CBX5: variants seen among roughly 807,000 people sequenced by gnomAD.
CBX5 encodes chromobox 5.
A neutral mutation model predicts 20.7 loss-of-function variants in CBX5; 7 were observed. That is an observed-to-expected ratio of 0.34 (90% CI 0.19 to 0.63). The LOEUF (loss-of-function observed/expected upper bound fraction) is 0.63, where lower values mean the gene tolerates loss of function less well. Among genes scored for constraint, CBX5 ranks in the 30% least tolerant of loss-of-function variants. CBX5 has a pLI of 0.75. For synonymous variants in CBX5, 78 were observed against 77.0 expected (o/e 1.01, Z -0.07); for missense variants, 110 against 224.1 (o/e 0.49, Z 3.25).
rs1322396066 is a variant in CBX5, at chr12:54,235,786, A to T, written c.*5969T>A. On this transcript the variant is annotated 3_prime_UTR_variant, in exon 5 of 5. Coordinates refer to ENST00000209875, the MANE Select transcript of CBX5 (RefSeq NM_012117.3). ...GTTAAGTCTCATGTTCATTCCTCCA[A>T]AAGGGATGAGAAATTGAAAAAGGTG... The T allele has an allele frequency of 6.6e-6, 1 of 152,188 alleles. No homozygotes were observed. The highest frequency in any genetic ancestry group is 1.5e-5 in the Non-Finnish European group (1 of 68,024). 9.4% of individuals were successfully genotyped at this position (152,188 alleles called of 1,614,324 possible).
In CBX5 at chr12:54,251,932, T is replaced by G. The variant is rs563986879; in HGVS notation, c.324+109A>C. 9 of 931,632 alleles carry G rather than the reference T, an allele frequency of 9.7e-6. No homozygotes were observed. In the South Asian group the frequency reaches 2.0e-4, roughly 20 times the overall value. The allele number at this position is 931,632 out of a possible 1,614,324, so 57.7% of individuals were successfully genotyped here. A position where few individuals can be genotyped will look rare whatever the true frequency, so the allele number is the denominator to read the frequency against. On this transcript the variant is annotated intron_variant, in intron 3 of 4. Transcript: ENST00000209875. ...AGCTCTTTTGTTCAACAATTTACCT[T>G]ATAGGTCCATCCTTACAATAGAAAT...
At position 54,232,430 on chromosome 12, in the gene CBX5, C is replaced by T. The variant is rs1287265966; in HGVS notation, c.*9325G>A. The T allele has an allele frequency of 6.6e-6, 1 of 152,168 alleles. No homozygotes were observed. The highest frequency in any genetic ancestry group is 1.5e-5 in the Non-Finnish European group (1 of 68,046). The allele number at this position is 152,168 out of a possible 1,614,324, so 9.4% of individuals were successfully genotyped here. On this transcript the variant is annotated 3_prime_UTR_variant, in exon 5 of 5. Coordinates refer to ENST00000209875, the MANE Select transcript of CBX5 (RefSeq NM_012117.3). ...CTATTAACTTTGATTTACAATGCCT[C>T]ACAACAACACCCCTGTGAGGTAGGT...
chr12:54,252,076 T>C lies in CBX5; in HGVS notation c.289A>G (p.Ser97Gly). Reference protein sequence around the residue: ...SNKRKSNFSNSADDIKSKKKR... With the variant: ...SNKRKSNFSNGADDIKSKKKR... ...TTTTTAGATTTGATGTCATCGGCAC[T>C]GTTTGAGAAATTGGATTTCCTCTTG... Residue 97 changes from serine to glycine, a missense_variant, in exon 3 of 5, where the codon AGT becomes GGT. Transcript: ENST00000209875. 3 of 1,610,868 alleles carry C rather than the reference T, an allele frequency of 1.9e-6. No homozygotes were observed. The highest frequency in any genetic ancestry group is 2.5e-6 in the Non-Finnish European group (3 of 1,178,976).
At chr12:54,279,652 C>A (rs552312248) in intron 1 of CBX5, among the ~76,000 whole-genome samples, 98 of 152,284 alleles carry the variant, frequency 6.4e-4, no homozygotes, top group African/African-American at 2.3e-3. Flanking sequence ...CAAACCGCTG[C>A]CTCCTGGAGA....
intron 3 of CBX5, among the ~76,000 whole-genome samples, chr12:54,248,796 G>A (rs1943763278): frequency 6.6e-6 from 1 of 152,152 alleles, no homozygotes; most frequent in Non-Finnish European, 1.5e-5. Context: ...TCTTAAATCA[G>A]GCATAATGCA....
chr12:54,273,738 A>C (rs1247212166), intron 1 of CBX5: 3 of 152,220 alleles, frequency 2.0e-5, no homozygotes, highest in African/African-American at 7.2e-5. Context: ...TCTCTCTCCT[A>C]GAGCCTCCAG....
At chr12:54,269,212 G>A (rs1050513915) in intron 1 of CBX5, among the ~76,000 whole-genome samples, 15 of 151,912 alleles carry the variant, frequency 9.9e-5, no homozygotes, top group Non-Finnish European at 1.5e-4. Flanking sequence ...GCAGTGAGTC[G>A]AGATTGCACA....
intron 1 of CBX5, among the ~76,000 whole-genome samples, chr12:54,265,585 T>C (rs1943949159): frequency 6.6e-6 from 1 of 152,214 alleles, no homozygotes; most frequent in Non-Finnish European, 1.5e-5. Context: ...TTTAAGAGAC[T>C]AGATTAGGAA....
intron 1 of CBX5, among the ~76,000 whole-genome samples, chr12:54,260,209 G>A (rs1565871842): frequency 6.6e-6 from 1 of 151,652 alleles, no homozygotes; most frequent in Non-Finnish European, 1.5e-5. Flanking sequence ...AGAGGTGGAG[G>A]GCCAGGTGCA....
intron 1 of CBX5, among the ~76,000 whole-genome samples, chr12:54,260,681 T>G (rs900049354): frequency 2.0e-5 from 3 of 152,074 alleles, no homozygotes; most frequent in African/African-American, 7.2e-5. Flanking sequence ...AATATACAAC[T>G]CTCTGTATCA....
chr12:54,241,996 A>G (rs1216873567), intron 4 of CBX5, 91 bp from the exon 5 acceptor site: 7 of 1,284,356 alleles, frequency 5.5e-6, no homozygotes, highest in Non-Finnish European at 5.4e-6. Context: ...GATTTAGTTG[A>G]CTTGATTTCC....
At position 54,266,896 on chromosome 12, in the gene CBX5, G is replaced by A. The variant is rs973479642; in HGVS notation, c.-42-9204C>T. 3.9e-5 allele frequency among the ~76,000 whole-genome samples: 6 copies of A among 152,068 alleles called. No individual in the cohort carries two copies. In the South Asian group the frequency reaches 1.2e-3, roughly 31 times the overall value. ...TAAGATGTTGCCCTATTAAAAAAAA[G>A]TATCAGTTTTCTTTAAATTTAGTTA... On this transcript the variant is annotated intron_variant, in intron 1 of 4. Transcript: ENST00000209875.
At chr12:54,253,579 T>C (rs1332138647) in intron 2 of CBX5, among the ~76,000 whole-genome samples, 1 of 151,816 alleles carries the variant, frequency 6.6e-6, no homozygotes, top group African/African-American at 2.4e-5. Flanking sequence ...GATTTAAAAA[T>C]TACTCAGGCA....
intron 1 of CBX5, among the ~76,000 whole-genome samples, chr12:54,269,250 G>A (rs1239521232): frequency 2.0e-5 from 3 of 152,214 alleles, no homozygotes; most frequent in East Asian, 1.9e-4. Flanking sequence ...GTGACAGAGC[G>A]AGGATCCTTC....
chr12:54,255,155 A>C (rs1279586319), intron 2 of CBX5, among the ~76,000 whole-genome samples: 1 of 152,176 alleles, frequency 6.6e-6, no homozygotes, highest in Non-Finnish European at 1.5e-5. Context: ...GGCCAGGAAT[A>C]GTGATTCACA....
At chr12:54,263,573 A>G (rs1565872752) in intron 1 of CBX5, among the ~76,000 whole-genome samples, 1 of 151,818 alleles carries the variant, frequency 6.6e-6, no homozygotes, top group Non-Finnish European at 1.5e-5. Context: ...TCTCTACTAA[A>G]GACACAAAAA....
chr12:54,251,516 CAAAAAAA>C (rs55662273), intron 3 of CBX5, among the ~76,000 whole-genome samples: 5 of 68,098 alleles, frequency 7.3e-5, no homozygotes, highest in African/African-American at 2.0e-4. Flanking sequence ...GACTCTGTCT[CAAAAAAA>C]AAAAAAAAAA....
chr12:54,243,062 T>G (rs1454907617), intron 4 of CBX5, among the ~76,000 whole-genome samples: 2 of 151,970 alleles, frequency 1.3e-5, no homozygotes, highest in Non-Finnish European at 2.9e-5. Flanking sequence ...AGGTGGAGGT[T>G]GCAGTGAGCT....
At chr12:54,269,299 G>C (rs1943987249) in intron 1 of CBX5, among the ~76,000 whole-genome samples, 1 of 152,116 alleles carries the variant, frequency 6.6e-6, no homozygotes, top group Non-Finnish European at 1.5e-5. Flanking sequence ...AAGCGTTCCT[G>C]CTTCTGTTTT....
Sources: gnomAD v4.1 joint callset for allele counts (sites outside exome capture counted in the v4.1 genomes callset) on GRCh38, gnomAD v4.1.1 for gene constraint, MANE v1.5 for transcripts, NCBI Gene and HGNC (gene_info 2026-07-23, HGNC 2026-07-21) for gene names.